The following NRG1 variants were observed in gnomAD, a reference collection of about 807,000 sequenced individuals.
NRG1 encodes neuregulin 1.
Under a neutral mutation model 63.8 loss-of-function variants are expected in NRG1, and 18 were observed. That is an observed-to-expected ratio of 0.28 (90% confidence interval 0.19 to 0.42). The LOEUF (loss-of-function observed/expected upper bound fraction) is 0.42, where lower values mean the gene tolerates loss of function less well. Among genes scored for constraint, NRG1 ranks in the 10% least tolerant of loss-of-function variants. NRG1 has a pLI of 1.00. For missense variants in NRG1, 762 were observed against 814.7 expected (o/e 0.94, Z 0.79); for synonymous variants, 302 against 301.3 (o/e 1.00, Z -0.02).
At chr8:32,081,397 C>T (rs1827445609) in intron 1 of NRG1, among the ~76,000 whole-genome samples, 2 of 152,066 alleles carry the variant, frequency 1.3e-5, no homozygotes, top group African/African-American at 4.8e-5. Flanking sequence ...GGAAAGTTCC[C>T]TTTCATTTAT....
At chr8:32,239,642 C>T (rs1366594558) in intron 1 of NRG1, among the ~76,000 whole-genome samples, 1 of 152,096 alleles carries the variant, frequency 6.6e-6, no homozygotes, top group African/African-American at 2.4e-5. Context: ...CAGGAGAAAA[C>T]ATTTGCCAAC....
intron 7 of NRG1, among the ~76,000 whole-genome samples, chr8:32,748,179 T>C (rs1352643610): frequency 6.6e-6 from 1 of 152,098 alleles, no homozygotes; most frequent in Admixed American, 6.5e-5. Flanking sequence ...CACAGCATTT[T>C]CTTCACACTT....
intron 1 of NRG1, among the ~76,000 whole-genome samples, chr8:32,329,651 G>A (rs1802408504): frequency 6.6e-6 from 1 of 152,060 alleles, no homozygotes; most frequent in Admixed American, 6.6e-5. Flanking sequence ...TATAGGCTTA[G>A]CATCATGCTC....
At chr8:31,850,905 A>C (rs1054876782) in intron 1 of NRG1, among the ~76,000 whole-genome samples, 1 of 152,154 alleles carries the variant, frequency 6.6e-6, no homozygotes, top group African/African-American at 2.4e-5. Flanking sequence ...TCTATTGACA[A>C]AACCGGATTA....
At chr8:31,966,214 G>A (rs979620920) in intron 1 of NRG1, among the ~76,000 whole-genome samples, 5 of 145,476 alleles carry the variant, frequency 3.4e-5, no homozygotes, top group Non-Finnish European at 6.0e-5. Context: ...AAACATTTTT[G>A]TAACTTATGG....
intron 1 of NRG1, among the ~76,000 whole-genome samples, chr8:31,747,737 C>A (rs1816035712): frequency 1.3e-5 from 2 of 152,022 alleles, no homozygotes; most frequent in South Asian, 4.2e-4. Context: ...TTAACACAGG[C>A]CTCCCTGGAA....
At chr8:31,886,370 C>A (rs529083030) in intron 1 of NRG1, among the ~76,000 whole-genome samples, 12 of 152,128 alleles carry the variant, frequency 7.9e-5, no homozygotes, top group African/African-American at 2.6e-4. Flanking sequence ...GTAGCTTTGC[C>A]AATTTCACAC....
chr8:32,591,587 G>A (rs552518036), intron 1 of NRG1, among the ~76,000 whole-genome samples: 2 of 152,214 alleles, frequency 1.3e-5, no homozygotes, highest in African/African-American at 4.8e-5. Flanking sequence ...CTGAAGTCAC[G>A]ATTGTGAGGA....
In NRG1 at chr8:32,470,979, A is replaced by G. The variant is rs188423862; in HGVS notation, c.38-124849A>G. 3.0e-3 allele frequency among the ~76,000 whole-genome samples: 452 copies of G among 152,238 alleles called. 3 individuals carry two copies. Among genetic ancestry groups the G allele is most frequent in the African/African-American group, 0.011 (442 of 41,548 alleles). On this transcript the variant is annotated intron_variant, in intron 1 of 10. Coordinates refer to the NRG1 transcript ENST00000519301. ...TGCGTGGCTAATTTCTAAAAAATAT[A>G]TATTTTTGTAGAGACATCTCTCTAT...
At chr8:31,818,828 G>A (rs1327941791) in intron 1 of NRG1, among the ~76,000 whole-genome samples, 1 of 152,106 alleles carries the variant, frequency 6.6e-6, no homozygotes. Flanking sequence ...GAGGTCGAGG[G>A]GGGCAGATCA....
chr8:32,242,836 A>G (rs1020765402), intron 1 of NRG1, among the ~76,000 whole-genome samples: 3 of 152,200 alleles, frequency 2.0e-5, no homozygotes, highest in Non-Finnish European at 4.4e-5. Context: ...AAACTTAAAG[A>G]GTTTAATATA....
chr8:32,754,807 A>G (rs2129052983), intron 8 of NRG1, among the ~76,000 whole-genome samples: 1 of 152,250 alleles, frequency 6.6e-6, no homozygotes, highest in Admixed American at 6.5e-5. Flanking sequence ...GGAGGGTACC[A>G]GAAGTCCATT....
chr8:31,892,861 G>A (rs898258065), intron 1 of NRG1, among the ~76,000 whole-genome samples: 3 of 151,890 alleles, frequency 2.0e-5, no homozygotes, highest in South Asian at 4.1e-4. Flanking sequence ...TCCTACAAAA[G>A]TTTTTGGTTA....
chr8:32,035,901 C>A, intron 1 of NRG1, among the ~76,000 whole-genome samples: 2 of 152,076 alleles, frequency 1.3e-5, no homozygotes, highest in Non-Finnish European at 2.9e-5. Flanking sequence ...GCTTTCCATT[C>A]TTTTAGTTGG....
At chr8:32,624,156 T>C (rs1012842507) in intron 5 of NRG1, among the ~76,000 whole-genome samples, 2 of 152,190 alleles carry the variant, frequency 1.3e-5, no homozygotes, top group Non-Finnish European at 2.9e-5. Context: ...AACAAATAGG[T>C]AGTTCTAAAA....
chr8:32,754,321 C>T (rs150581792), intron 7 of NRG1, 51 bp from the exon 8 acceptor site: 14 of 1,536,046 alleles, frequency 9.1e-6, no homozygotes, highest in African/African-American at 1.4e-5. Context: ...TGTAGTCAGT[C>T]CTGGCAAGTG....
chr8:31,923,625 A>G (rs768640608), intron 1 of NRG1, among the ~76,000 whole-genome samples: 8 of 152,090 alleles, frequency 5.3e-5, no homozygotes, highest in Non-Finnish European at 8.8e-5. Flanking sequence ...GGTTTTATTT[A>G]TTTAAAAGAT....
chr8:31,990,783 G>C (rs1041264312), intron 1 of NRG1, among the ~76,000 whole-genome samples: 1 of 152,020 alleles, frequency 6.6e-6, no homozygotes, highest in Admixed American at 6.6e-5. Flanking sequence ...AGTGAAGTTG[G>C]TTCTGGTTAA....
At chr8:31,939,101 G>A (rs1244259361) in intron 1 of NRG1, among the ~76,000 whole-genome samples, 1 of 152,104 alleles carries the variant, frequency 6.6e-6, no homozygotes, top group Non-Finnish European at 1.5e-5. Context: ...CATTGGCTTG[G>A]CACACAGTCA....
Sources: allele counts gnomAD v4.1 joint callset (sites outside exome capture counted in the v4.1 genomes callset), GRCh38; gene constraint gnomAD v4.1.1; transcripts MANE v1.5; gene names NCBI Gene and HGNC (gene_info 2026-07-23, HGNC 2026-07-21).